The following NAA35 variants were observed in gnomAD, a reference collection of about 807,000 sequenced individuals.
NAA35 encodes the protein N-alpha-acetyltransferase 35, NatC auxiliary subunit.
In NAA35, 18 loss-of-function variants were observed where a neutral mutation model predicts 101.7. The observed-to-expected ratio is 0.18, with a 90% CI of 0.12 to 0.26. The LOEUF is 0.26. Among genes scored for constraint, NAA35 ranks in the 10% least tolerant of loss-of-function variants. The pLI is 1.00. For synonymous variants in NAA35, 267 were observed against 273.1 expected, an observed-to-expected ratio of 0.98 and a Z score of 0.22; for missense variants, 601 against 886.8, an observed-to-expected ratio of 0.68 and a Z score of 4.09.
At chr9:85,967,655 A>G (rs1829818083) in intron 6 of NAA35, among the ~76,000 whole-genome samples, 1 of 152,076 alleles carries the variant, frequency 6.6e-6, no homozygotes, top group African/African-American at 2.4e-5. Flanking sequence ...ACAAAAAATT[A>G]GCCAGGCATG....
chr9:86,018,261 G>A lies in NAA35; in HGVS notation c.1780G>A (p.Val594Ile). Residue 594 changes from valine to isoleucine, a missense_variant, in exon 20 of 23, where the codon GTA (valine) becomes ATA (isoleucine). Physicochemically the swap from Val to Ile is conservative, Grantham distance 29. Coordinates refer to ENST00000361671, the MANE Select transcript of NAA35 (RefSeq NM_024635.4). ...TATTCCCTTTTTCATTTAGACCATGGTAGCATTTGACATGGACGGCAAAGT... is the reference window on the plus strand; with the variant it reads ...TATTCCCTTTTTCATTTAGACCATGATAGCATTTGACATGGACGGCAAAGT... ...NMCAGMFKTM[V>I]AFDMDGKVRK... 1 of 1,611,088 alleles carries A rather than the reference G, an allele frequency of 6.2e-7. No individual in the cohort carries two copies. Among genetic ancestry groups the A allele is most frequent in the Non-Finnish European group, 8.5e-7 (1 of 1,178,300 alleles).
intron 14 of NAA35, among the ~76,000 whole-genome samples, chr9:86,009,621 A>G (rs1294404771): frequency 6.6e-6 from 1 of 152,226 alleles, no homozygotes; most frequent in Non-Finnish European, 1.5e-5. Context: ...ATTTGATCTT[A>G]CTGGATCCAA....
rs1035883292 is a variant in NAA35 at position 85,949,420 on chromosome 9, G to A, written c.125-6940G>A. On this transcript the variant is annotated intron_variant, in intron 2 of 22. Transcript: ENST00000361671. ...AGCGATTCTCCTGCCTTGGCCTCCC[G>A]AGTAGCTGGGACTACAGGTGCCTGC... Among the ~76,000 whole-genome samples the A allele has an allele frequency of 6.6e-5, 10 of 151,170 alleles. 1 individual carries two copies. Among genetic ancestry groups the A allele is most frequent in the East Asian group, 2.0e-4 (1 of 5,120 alleles).
rs749574848 is a variant in NAA35 at position 86,018,816 on chromosome 9, C to T, written c.2032C>T (p.His678Tyr). Residue 678 changes from histidine (H) to tyrosine (Y), a missense_variant, in exon 21 of 23, where the codon CAT (histidine) becomes TAT (tyrosine). Physicochemically the swap from His to Tyr is moderately conservative, Grantham distance 83. This residue lies in a region of NAA35 where 90 missense variants were observed against 108.7 expected (regional missense o/e 0.83). Transcript: ENST00000361671. Reference sequence around the variant, plus strand: ...ATTGGAAAATATTCCTAACCCGGACCATGAGGTGAGACTGGATTCACAGTA... The same window carrying T: ...ATTGGAAAATATTCCTAACCCGGACTATGAGGTGAGACTGGATTCACAGTA... ...MILENIPNPDHEVNRILKVAK... is the reference protein window; with the variant it reads ...MILENIPNPDYEVNRILKVAK... 3.1e-6 allele frequency: 5 copies of T among 1,613,214 alleles called. No individual in the cohort carries two copies. The African/African-American group carries it at 4.0e-5, about 13-fold the overall frequency.
At chr9:85,978,027 A>G (rs939174167) in intron 10 of NAA35, among the ~76,000 whole-genome samples, 2 of 151,986 alleles carry the variant, frequency 1.3e-5, no homozygotes, top group Non-Finnish European at 2.9e-5. Flanking sequence ...TTATTGTGAA[A>G]AAAAAAACCA....
chr9:85,970,623 A>G (rs1301834330), intron 6 of NAA35, among the ~76,000 whole-genome samples: 1 of 152,222 alleles, frequency 6.6e-6, no homozygotes, highest in Non-Finnish European at 1.5e-5. Context: ...TCTTGAAGAA[A>G]TATCAGGCAC....
At chr9:85,993,234 G>A (rs571392053) in intron 11 of NAA35, among the ~76,000 whole-genome samples, 8 of 152,154 alleles carry the variant, frequency 5.3e-5, no homozygotes, top group East Asian at 1.9e-4. Context: ...GTGCAGTGGC[G>A]CAATCTAAGC....
At chr9:85,990,897 A>G (rs77422709) in intron 11 of NAA35, among the ~76,000 whole-genome samples, 5 of 152,336 alleles carry the variant, frequency 3.3e-5, no homozygotes, top group African/African-American at 1.2e-4. Context: ...GTGTCCATGT[A>G]GAATGGTAGT....
intron 2 of NAA35, among the ~76,000 whole-genome samples, chr9:85,942,502 T>G (rs139943296): frequency 2.8e-4 from 42 of 152,374 alleles, no homozygotes; most frequent in African/African-American, 6.7e-4. Flanking sequence ...TAAAATTGAA[T>G]TTTTCTTGCT....
rs1832072333 is a variant in NAA35, at chr9:86,013,830, A to G, written c.1501A>G (p.Ile501Val). Residue 501 changes from isoleucine to valine, a missense_variant, in exon 17 of 23, where the codon ATA becomes GTA. Physicochemically the swap from Ile to Val is conservative, Grantham distance 29. This residue lies in a region of NAA35 where 99 missense variants were observed against 206.7 expected (regional missense o/e 0.48). Coordinates refer to ENST00000361671, the MANE Select transcript of NAA35 (RefSeq NM_024635.4). ...WVLYHNLRIM[I>V]QYLLSGFELE... Reference sequence around the variant, plus strand: ...CCTTTACCATAACCTTCGCATTATGATACAGTACCTTCTAAGTGGCTTTGA... The same window carrying G: ...CCTTTACCATAACCTTCGCATTATGGTACAGTACCTTCTAAGTGGCTTTGA... 6.2e-7 allele frequency: 1 copy of G among 1,613,902 alleles called. No homozygotes were observed. The highest frequency in any genetic ancestry group is 8.5e-7 in the Non-Finnish European group (1 of 1,179,900).
chr9:85,996,011 C>T (rs1353691414), intron 11 of NAA35, among the ~76,000 whole-genome samples: 2 of 152,086 alleles, frequency 1.3e-5, no homozygotes, highest in East Asian at 3.8e-4. Context: ...GGAAGAGAAG[C>T]TTATATTATT....
chr9:86,005,310 C>G (rs1439880624), intron 13 of NAA35, among the ~76,000 whole-genome samples: 1 of 152,084 alleles, frequency 6.6e-6, no homozygotes, highest in Non-Finnish European at 1.5e-5. Context: ...AAACTCTTAG[C>G]AAAACTAGAT....
intron 6 of NAA35, among the ~76,000 whole-genome samples, chr9:85,968,470 C>G (rs1015384881): frequency 1.3e-5 from 2 of 152,150 alleles, no homozygotes; most frequent in African/African-American, 4.8e-5. Flanking sequence ...TCGGGCCTCT[C>G]AAAGTGCTGG....
chr9:86,009,904 C>G lies in NAA35; in HGVS notation c.1263C>G (p.Ile421Met), dbSNP rs751900708. 2 of 1,613,010 alleles carry G rather than the reference C, an allele frequency of 1.2e-6. No homozygotes were observed. The highest frequency in any genetic ancestry group is 1.1e-5 in the South Asian group (1 of 90,988). The stretch of plus-strand genomic sequence containing the variant: ...ATAATCACCAGGCTAAGGACTGTAT[C>G]GACTCCTTTGTTACTCACTGTGTTC... ...LYNNHQAKDCIDSFVTHCVRP... is the reference protein window; with the variant it reads ...LYNNHQAKDCMDSFVTHCVRP... Residue 421 changes from isoleucine to methionine, a missense_variant, in exon 15 of 23, where the codon ATC becomes ATG. Transcript: ENST00000361671.
At chr9:85,963,154 T>A (rs182875509) in intron 6 of NAA35, among the ~76,000 whole-genome samples, 8 of 152,178 alleles carry the variant, frequency 5.3e-5, no homozygotes, top group Admixed American at 2.6e-4. Context: ...TTTCCTAGGA[T>A]CCAACAGTGG....
chr9:85,993,449 G>A (rs371161219), intron 11 of NAA35, among the ~76,000 whole-genome samples: 21 of 152,140 alleles, frequency 1.4e-4, no homozygotes, highest in African/African-American at 4.8e-4. Flanking sequence ...GATTACAGGT[G>A]TGAGCCACCA....
At chr9:85,963,104 CTGA>C (rs1043036450) in intron 6 of NAA35, among the ~76,000 whole-genome samples, 1 of 152,002 alleles carries the variant, frequency 6.6e-6, no homozygotes, top group Non-Finnish European at 1.5e-5. Flanking sequence ...TCTGTTGAAA[CTGA>C]TATTTCTTTT....
intron 11 of NAA35, among the ~76,000 whole-genome samples, chr9:85,988,091 A>C (rs115461778): frequency 9.1e-4 from 139 of 152,322 alleles, no homozygotes; most frequent in African/African-American, 3.2e-3. Context: ...AAAGAAACAC[A>C]TGCACACGGG....
At chr9:85,942,489 T>G (rs1009310141) in intron 2 of NAA35, among the ~76,000 whole-genome samples, 3 of 152,242 alleles carry the variant, frequency 2.0e-5, no homozygotes, top group Admixed American at 6.5e-5. Context: ...TGAGGCAGTA[T>G]TTTAAAATTG....
Sources: allele counts gnomAD v4.1 joint callset (sites outside exome capture counted in the v4.1 genomes callset), GRCh38; gene constraint gnomAD v4.1.1; regional missense constraint gnomAD v4.1.1; transcripts MANE v1.5; gene names NCBI Gene and HGNC (gene_info 2026-07-23, HGNC 2026-07-21).